Variants in ENDOD1 observed in about 807,000 individuals in gnomAD.
The protein encoded by ENDOD1 is endonuclease domain-containing 1 protein.
Under a neutral mutation model 6.5 loss-of-function variants are expected in ENDOD1, and 9 were observed. That is an observed-to-expected ratio of 1.39 (90% CI 0.84 to 2.43). ENDOD1 has a LOEUF of 2.43. Among genes scored for constraint, ENDOD1 ranks in the 30% most tolerant of loss-of-function variants. The pLI is 0.00. For synonymous variants in ENDOD1, 255 were observed against 255.2 expected (o/e 1.00, Z 0.01); for missense variants, 648 against 635.5 (o/e 1.02, Z -0.21).
rs542723971 is a variant in ENDOD1 at position 95,128,039 on chromosome 11, C to T, written c.301-338C>T. Reference sequence around the variant, plus strand: ...CCTCCCAAAGTGCTAGGATTATAGGCGTGAGCCACCGCACCTGGCCCCAGA... The same window carrying T: ...CCTCCCAAAGTGCTAGGATTATAGGTGTGAGCCACCGCACCTGGCCCCAGA... On this transcript the variant is annotated intron_variant, in intron 1 of 1. Transcript: ENST00000278505. Among the ~76,000 whole-genome samples, 32 of 152,296 alleles carry T rather than the reference C, an allele frequency of 2.1e-4. No homozygotes were observed. The South Asian group carries it at 5.4e-3, about 26-fold the overall frequency.
intron 1 of ENDOD1, among the ~76,000 whole-genome samples, chr11:95,109,644 C>T (rs59251993): frequency 6.6e-6 from 1 of 152,236 alleles, no homozygotes; most frequent in East Asian, 1.9e-4. Context: ...CTCGGCTGCC[C>T]ACTTGTGTCC....
At chr11:95,105,016 G>A (rs1381947032) in intron 1 of ENDOD1, among the ~76,000 whole-genome samples, 1 of 152,210 alleles carries the variant, frequency 6.6e-6, no homozygotes, top group African/African-American at 2.4e-5. Context: ...GGGTGGGAGA[G>A]GGTCATGTGT....
Position 95,132,074 on chromosome 11 carries a change from G to A in ENDOD1, c.*2495G>A, listed in dbSNP as rs1394315324. On this transcript the variant is annotated 3_prime_UTR_variant, in exon 2 of 2. Coordinates refer to ENST00000278505, the MANE Select transcript of ENDOD1 (RefSeq NM_015036.3). Reference sequence around the variant, plus strand: ...CTAATGAGCTACGCTGGGCTTTGAGGTAGAGGTTGGGGTTTATGAACCCCA... The same window carrying A: ...CTAATGAGCTACGCTGGGCTTTGAGATAGAGGTTGGGGTTTATGAACCCCA... The A allele has an allele frequency of 1.3e-5, 2 of 152,680 alleles. No homozygotes were observed. Among genetic ancestry groups the A allele is most frequent in the African/African-American group, 4.8e-5 (2 of 41,440 alleles). The allele number at this position is 152,680 out of a possible 1,614,324, so 9.5% of individuals were successfully genotyped here. A position where few individuals can be genotyped will look rare whatever the true frequency, so the allele number is the denominator to read the frequency against.
intron 1 of ENDOD1, among the ~76,000 whole-genome samples, chr11:95,116,711 G>T (rs1555112524): frequency 1.3e-5 from 2 of 152,128 alleles, no homozygotes; most frequent in African/African-American, 2.4e-5. Flanking sequence ...TTTGTTTCAA[G>T]AAATCTTTCA....
In ENDOD1 at chr11:95,091,049, C is replaced by T. The variant is rs543232548; in HGVS notation, c.300+822C>T. Among the ~76,000 whole-genome samples, 3 of 152,312 alleles carry T rather than the reference C, an allele frequency of 2.0e-5. No homozygotes were observed. The East Asian group carries it at 5.8e-4, about 29-fold the overall frequency. The stretch of plus-strand genomic sequence containing the variant: ...AAATCGTGTCACCTCTCATGGTGTT[C>T]TGTCCCGTCTGGTAAAGGTGACCAA... On this transcript the variant is annotated intron_variant, in intron 1 of 1. Transcript: ENST00000278505.
At chr11:95,104,502 T>C (rs1859071641) in intron 1 of ENDOD1, among the ~76,000 whole-genome samples, 1 of 152,024 alleles carries the variant, frequency 6.6e-6, no homozygotes. Flanking sequence ...TCTTCATTTG[T>C]TCCCCAGTTT....
rs760447760 is a variant in ENDOD1, at chr11:95,128,438, T to A, written c.362T>A (p.Val121Glu). The A allele has an allele frequency of 6.2e-7, 1 of 1,614,196 alleles. No individual in the cohort carries two copies. Among genetic ancestry groups the A allele is most frequent in the Admixed American group, 1.7e-5 (1 of 60,036 alleles). The stretch of plus-strand genomic sequence containing the variant: ...AATGAGGCAGAGGCCATCACCTCTG[T>A]GAACAGCCTGGGAAGCAAGCAAGCC... ...AINEAEAITS[V>E]NSLGSKQALN... The change falls in exon 2 of 2, where the codon GTG becomes GAG. Residue 121 changes from valine to glutamate, a missense_variant. By Grantham distance (121) the Val-to-Glu change is moderately radical. Transcript: ENST00000278505.
chr11:95,114,163 C>A (rs1486866341), intron 1 of ENDOD1, among the ~76,000 whole-genome samples: 1 of 152,192 alleles, frequency 6.6e-6, no homozygotes, highest in Non-Finnish European at 1.5e-5. Flanking sequence ...CAGGCTCTCA[C>A]TCTGATGCCC....
Position 95,090,120 on chromosome 11 carries a change from T to C in ENDOD1, c.193T>C (p.Phe65Leu). 1.3e-6 allele frequency: 2 copies of C among 1,566,040 alleles called. No individual in the cohort carries two copies. The highest frequency in any genetic ancestry group is 2.5e-5 in the East Asian group (1 of 40,436). ...ICQRAEGAER[F>L]ATLYSTRDRI... Reference sequence around the variant, plus strand: ...TCAGCGCGCGGAGGGTGCTGAGCGCTTCGCCACCCTCTACAGCACCCGGGA... The same window carrying C: ...TCAGCGCGCGGAGGGTGCTGAGCGCCTCGCCACCCTCTACAGCACCCGGGA... The change falls in exon 1 of 2, where the codon TTC (phenylalanine) becomes CTC (leucine). Residue 65 changes from phenylalanine (F) to leucine (L), a missense_variant. Transcript: ENST00000278505.
rs778761842 is a variant in ENDOD1 at position 95,128,965 on chromosome 11, C to G, written c.889C>G (p.Gln297Glu). ...AATCCAGGATGAAGAACGAATGGTA[C>G]AATCTCAAAAGAGTTCTAGTCCCCT... ...NQIQDEERMV[Q>E]SQKSSSPLSS... Residue 297 changes from glutamine to glutamate, a missense_variant, in exon 2 of 2, where the codon CAA becomes GAA. Transcript: ENST00000278505. 1.2e-6 allele frequency: 2 copies of G among 1,614,044 alleles called. No homozygotes were observed. Among genetic ancestry groups the G allele is most frequent in the South Asian group, 2.2e-5 (2 of 91,068 alleles).
chr11:95,090,264 C>A, intron 1 of ENDOD1, 37 bp downstream of exon 1: 1 of 1,353,946 alleles, frequency 7.4e-7, no homozygotes, highest in Non-Finnish European at 9.5e-7. Flanking sequence ...CTGCGGGCGC[C>A]GGAGACCGTG....
chr11:95,095,043 GCACACACA>G lies in ENDOD1; in HGVS notation c.300+4837_300+4844del, dbSNP rs56010766. ...TTCAGTAGGTGCTAGGCGTGTGCACGCACACACACACACACACACACACACACAAATGG... is the reference window on the plus strand; with the variant it reads ...TTCAGTAGGTGCTAGGCGTGTGCACGCACACACACACACACACACAAATGG... On this transcript the variant is annotated intron_variant, in intron 1 of 1. Coordinates refer to ENST00000278505, the MANE Select transcript of ENDOD1 (RefSeq NM_015036.3). 2.5e-3 allele frequency among the ~76,000 whole-genome samples: 366 copies of G among 147,958 alleles called. 1 individual carries two copies. The highest frequency in any genetic ancestry group is 8.5e-3 in the African/African-American group (349 of 41,012).
chr11:95,094,767 G>A (rs1591008248), intron 1 of ENDOD1, among the ~76,000 whole-genome samples: 1 of 152,214 alleles, frequency 6.6e-6, no homozygotes, highest in East Asian at 1.9e-4. Context: ...AAATCTCTGT[G>A]TAAGGAATGC....
rs1210956623 is a variant in ENDOD1, at chr11:95,089,887, C to T, written c.-41C>T. On this transcript the variant is annotated 5_prime_UTR_variant, in exon 1 of 2. Coordinates refer to ENST00000278505, the MANE Select transcript of ENDOD1 (RefSeq NM_015036.3). ...CCAGCCTGCAGAGCTCGCGCCGCGG[C>T]AGCCCAGCCGCTCGGCCCCGCCGCG... 17 of 1,296,328 alleles carry T rather than the reference C, an allele frequency of 1.3e-5. 1 individual carries two copies. The South Asian group carries it at 4.5e-4, about 34-fold the overall frequency. The allele number at this position is 1,296,328 out of a possible 1,614,324, so 80.3% of individuals were successfully genotyped here. A position where few individuals can be genotyped will look rare whatever the true frequency, so the allele number is the denominator to read the frequency against.
intron 1 of ENDOD1, among the ~76,000 whole-genome samples, chr11:95,091,441 T>G (rs1484933556): frequency 4.6e-5 from 7 of 152,332 alleles, no homozygotes; most frequent in Admixed American, 4.6e-4. Context: ...ATAACACTTG[T>G]CGAGATCAGG....
intron 1 of ENDOD1, 118 bp downstream of exon 1, chr11:95,090,345 T>G (rs1591006367): frequency 7.8e-7 from 1 of 1,278,506 alleles, no homozygotes; most frequent in Non-Finnish European, 1.0e-6. Flanking sequence ...ACGCCTTCGG[T>G]GCCTTGGGCC....
At chr11:95,126,848 T>A (rs1301546972) in intron 1 of ENDOD1, among the ~76,000 whole-genome samples, 1 of 148,080 alleles carries the variant, frequency 6.8e-6, no homozygotes, top group Non-Finnish European at 1.5e-5. Flanking sequence ...GCCCAGCTAA[T>A]TTTTTGAATT....
chr11:95,095,329 CAAG>C (rs1858973686), intron 1 of ENDOD1, among the ~76,000 whole-genome samples: 1 of 54,362 alleles, frequency 1.8e-5, no homozygotes, highest in Non-Finnish European at 3.9e-5. Flanking sequence ...CCTGGAAAAC[CAAG>C]AAGTGTGTTG....
At chr11:95,095,363 G>A (rs560641154) in intron 1 of ENDOD1, among the ~76,000 whole-genome samples, 16 of 4,594 alleles carry the variant, frequency 3.5e-3, no homozygotes, top group East Asian at 0.028. Context: ...GTGAGCAATG[G>A]CATTCCAGTC....
Sources: gnomAD v4.1 joint callset for allele counts (sites outside exome capture counted in the v4.1 genomes callset) on GRCh38, gnomAD v4.1.1 for gene constraint, MANE v1.5 for transcripts, NCBI Gene and HGNC (gene_info 2026-07-23, HGNC 2026-07-21) for gene names.